ASAP3: variants seen among roughly 807,000 people sequenced by gnomAD.
ASAP3 encodes arf-GAP with SH3 domain, ANK repeat and PH domain-containing protein 3.
Under a neutral mutation model 118.2 loss-of-function variants are expected in ASAP3, and 85 were observed. The ratio of observed to expected loss-of-function variants is 0.72; its 90% CI spans 0.60 to 0.86. The LOEUF is 0.86. Ranked by LOEUF, ASAP3 falls within the 40% of genes least tolerant of loss-of-function variation. The pLI is 0.00. For missense variants in ASAP3, 1,026 were observed against 1,175.0 expected (o/e 0.87, Z 1.85); for synonymous variants, 432 against 477.4 (o/e 0.90, Z 1.24).
In ASAP3 at chr1:23,455,884, GT is replaced by G; in HGVS notation, c.344del (p.Asn115ThrfsTer2). 1 of 1,614,138 alleles carries G rather than the reference GT, an allele frequency of 6.2e-7. No homozygotes were observed. The highest frequency in any genetic ancestry group is 8.5e-7 in the Non-Finnish European group (1 of 1,180,014). The stretch of plus-strand genomic sequence containing the variant: ...AAGGAAGAGACAGGGGCCTCACCAG[GT>G]TCTTGAAGAGCGCAGCAACCTCGCG... The part of the protein sequence containing the change: ...FTREVAALFK[N>X]LIQNLNNIVS... On this transcript the variant is annotated frameshift_variant, in exon 3 of 25. Transcript: ENST00000336689. LOFTEE classifies it high-confidence loss of function.
In ASAP3 at chr1:23,438,253, T is replaced by A. The variant is rs1284843526; in HGVS notation, c.1102+494A>T. On this transcript the variant is annotated intron_variant, in intron 12 of 24. Transcript: ENST00000336689. This position sits in a 1 kb window ranked among gnomAD's most constrained non-coding sequence, Gnocchi z 4.9. ...TTCTATGGGGCTATATCTGCACCCA[T>A]CTTCTGGACAGCCCCCTCATCTTAC... Among the ~76,000 whole-genome samples, 1 of 152,128 alleles carries A rather than the reference T, an allele frequency of 6.6e-6. No homozygotes were observed. The highest frequency in any genetic ancestry group is 2.4e-5 in the African/African-American group (1 of 41,410).
intron 1 of ASAP3, among the ~76,000 whole-genome samples, chr1:23,477,199 G>A (rs1642158511): frequency 6.6e-6 from 1 of 151,140 alleles, no homozygotes; most frequent in Non-Finnish European, 1.5e-5. Context: ...GTATTTTTAG[G>A]AGAGACAGGG....
At chr1:23,431,198 G>T in intron 23 of ASAP3, 73 bp from the exon 24 acceptor site, 1 of 1,457,424 alleles carries the variant, frequency 6.9e-7, no homozygotes, top group Non-Finnish European at 9.4e-7. Flanking sequence ...AAGGGCTCAG[G>T]AACAGAGCCA....
intron 1 of ASAP3, among the ~76,000 whole-genome samples, chr1:23,458,166 G>A (rs1641448886): frequency 6.6e-6 from 1 of 152,160 alleles, no homozygotes; most frequent in African/African-American, 2.4e-5. Context: ...AGATTAAGGA[G>A]ACGGCATCAT....
intron 17 of ASAP3, 143 bp from the exon 18 acceptor site, chr1:23,434,761 A>G (rs1640576201): frequency 1.4e-6 from 1 of 730,064 alleles, no homozygotes; most frequent in Admixed American, 2.6e-5. Flanking sequence ...GCAAGGGCAG[A>G]GCCTCATGTC....
Position 23,429,738 on chromosome 1 carries a change from A to G in ASAP3, c.*118T>C. 1.9e-6 allele frequency: 2 copies of G among 1,031,200 alleles called. No individual in the cohort carries two copies. Among genetic ancestry groups the G allele is most frequent in the Non-Finnish European group, 2.8e-6 (2 of 712,454 alleles). 63.9% of individuals were successfully genotyped at this position (1,031,200 alleles called of 1,614,324 possible). ...GAAGAAGGCCAGCTACAGAGGCACA[A>G]GGGACAGAGAGAGTGAGATCCAAGA... On this transcript the variant is annotated 3_prime_UTR_variant, in exon 25 of 25. Coordinates refer to ENST00000336689, the MANE Select transcript of ASAP3 (RefSeq NM_017707.4).
chr1:23,451,563 AAGC>A, intron 4 of ASAP3, 35 bp from the exon 5 acceptor site: 2 of 1,603,850 alleles, frequency 1.2e-6, no homozygotes, highest in Non-Finnish European at 1.7e-6. Flanking sequence ...GCCCAGAGGG[AAGC>A]TGGAGCACTG....
chr1:23,465,174 A>C (rs1420371188), intron 1 of ASAP3, among the ~76,000 whole-genome samples: 1 of 152,260 alleles, frequency 6.6e-6, no homozygotes, highest in Non-Finnish European at 1.5e-5. Context: ...ATTAAATTGA[A>C]TTTGGTTTAG....
At chr1:23,466,096 C>T (rs572767306) in intron 1 of ASAP3, among the ~76,000 whole-genome samples, 8 of 152,266 alleles carry the variant, frequency 5.3e-5, no homozygotes, top group Non-Finnish European at 8.8e-5. Context: ...GAAAAGAAAA[C>T]GGATTTGTTC....
rs753407192 is a variant in ASAP3, at chr1:23,435,952, G to A, written c.1648C>T (p.Arg550Ter). 1 of 1,614,254 alleles carries A rather than the reference G, an allele frequency of 6.2e-7. No individual in the cohort carries two copies. The highest frequency in any genetic ancestry group is 8.5e-7 in the Non-Finnish European group (1 of 1,180,048). The change falls in exon 17 of 25, where the codon CGA (arginine) becomes TGA (stop). Residue 550 changes from arginine (R) to a stop codon, truncating the protein, a stop_gained. Coordinates refer to ENST00000336689, the MANE Select transcript of ASAP3 (RefSeq NM_017707.4). LOFTEE classifies it high-confidence loss of function. Reference sequence around the variant, plus strand: ...CTGTTGCAAATGGCTGTCCAGAGTCGCTGAGGCTCAGGTGTGCACCGGCGT... The same window carrying A: ...CTGTTGCAAATGGCTGTCCAGAGTCACTGAGGCTCAGGTGTGCACCGGCGT... ...FARRCTPEPQ[R>*]LWTAICNRDL...
chr1:23,433,361 C>T lies in ASAP3; in HGVS notation c.2127+64G>A, dbSNP rs762892773. 11 of 1,613,534 alleles carry T rather than the reference C, an allele frequency of 6.8e-6. No homozygotes were observed. The Admixed American group carries it at 1.0e-4, about 15-fold the overall frequency. On this transcript the variant is annotated intron_variant, in intron 21 of 24. Transcript: ENST00000336689. ...GCCTCACCGCCCCCGCCAACACACA[C>T]CAGGCCCAATCTGGCTCTTTCCTTC...
rs139037173 is a variant in ASAP3, at chr1:23,442,468, C to T, written c.585+33G>A. The T allele has an allele frequency of 4.9e-5, 78 of 1,604,984 alleles. 1 individual carries two copies. In the East Asian group the frequency reaches 6.5e-4, roughly 13 times the overall value. ...GAGGCAGACAGGAAGACACATCCCA[C>T]GCCCCCCCTCCCTCATCCAGAGCAC... On this transcript the variant is annotated intron_variant, in intron 6 of 24. Transcript: ENST00000336689.
chr1:23,454,368 C>T (rs1198440), intron 3 of ASAP3, among the ~76,000 whole-genome samples: 1 of 151,950 alleles, frequency 6.6e-6, no homozygotes, highest in Admixed American at 6.6e-5. Flanking sequence ...TGTATTTTTT[C>T]GCAAAGACAG....
chr1:23,448,483 G>C (rs1346968295), intron 5 of ASAP3, among the ~76,000 whole-genome samples: 2 of 151,982 alleles, frequency 1.3e-5, no homozygotes, highest in African/African-American at 4.8e-5. Context: ...TTAGAGACAA[G>C]GTCTAGCTCT....
chr1:23,430,387 G>A (rs1313832724), intron 24 of ASAP3, among the ~76,000 whole-genome samples: 2 of 152,182 alleles, frequency 1.3e-5, no homozygotes, highest in African/African-American at 4.8e-5. Context: ...TCTGATCTGT[G>A]CCCACTCCTA....
chr1:23,432,068 G>A, intron 22 of ASAP3, 150 bp from the exon 23 acceptor site: 1 of 667,984 alleles, frequency 1.5e-6, no homozygotes, highest in South Asian at 2.0e-5. Context: ...GTGCAGTGGT[G>A]CAATCTCGGC....
In ASAP3 at chr1:23,444,841, T is replaced by TG. The variant is rs1640996167; in HGVS notation, c.474-2230dup. ...TTTTTGGCCAGATGATTCTTTGTTATGGGGGGCTGCCTGGTGGTTTGTATG... is the reference window on the plus strand; with the variant it reads ...TTTTTGGCCAGATGATTCTTTGTTATGGGGGGGCTGCCTGGTGGTTTGTATG... On this transcript the variant is annotated intron_variant, in intron 5 of 24. Coordinates refer to ENST00000336689, the MANE Select transcript of ASAP3 (RefSeq NM_017707.4). Among the ~76,000 whole-genome samples the TG allele has an allele frequency of 2.6e-5, 4 of 152,236 alleles. No homozygotes were observed. In the South Asian group the frequency reaches 8.3e-4, roughly 32 times the overall value.
At chr1:23,433,015 C>G in intron 22 of ASAP3, 62 bp downstream of exon 22, 1 of 1,591,772 alleles carries the variant, frequency 6.3e-7, no homozygotes, top group South Asian at 1.1e-5. Context: ...GCTCAGTGCC[C>G]CAGCATATAC....
intron 1 of ASAP3, among the ~76,000 whole-genome samples, chr1:23,478,702 G>A (rs1642210875): frequency 6.6e-6 from 1 of 152,042 alleles, no homozygotes; most frequent in African/African-American, 2.4e-5. Context: ...GGAGGTCACA[G>A]TGAGCTGAGA....
Sources: gnomAD v4.1 joint callset for allele counts (sites outside exome capture counted in the v4.1 genomes callset) on GRCh38, gnomAD v4.1.1 for gene constraint, Gnocchi (gnomAD v3.1) non-coding constraint, MANE v1.5 for transcripts, NCBI Gene and HGNC (gene_info 2026-07-23, HGNC 2026-07-21) for gene names.